ANTXR1: variants seen among roughly 807,000 people sequenced by gnomAD.
ANTXR1 encodes the protein anthrax toxin receptor 1.
A neutral mutation model predicts 78.1 loss-of-function variants in ANTXR1; 19 were observed. The observed-to-expected ratio is 0.24, with a 90% CI of 0.17 to 0.36. The LOEUF is 0.36. Among genes scored for constraint, ANTXR1 ranks in the 10% least tolerant of loss-of-function variants. The probability of loss-of-function intolerance (pLI) is 1.00; values close to 1 mark genes in which losing one functional copy is unlikely to be tolerated. For synonymous variants in ANTXR1, 273 were observed against 260.5 expected (o/e 1.05, Z -0.46); for missense variants, 518 against 718.6 (o/e 0.72, Z 3.19).
At chr2:69,217,129 G>A (rs1461064886) in intron 17 of ANTXR1, among the ~76,000 whole-genome samples, 1 of 152,294 alleles carries the variant, frequency 6.6e-6, no homozygotes, top group East Asian at 1.9e-4. Context: ...TGCTCCCAGG[G>A]ATGACCACTG....
chr2:69,052,341 C>T (rs900856224), intron 3 of ANTXR1, among the ~76,000 whole-genome samples: 6 of 151,886 alleles, frequency 4.0e-5, no homozygotes, highest in African/African-American at 1.5e-4. Flanking sequence ...TTATAAGTCA[C>T]CATTTATATG....
chr2:69,124,775 T>A, intron 12 of ANTXR1, 132 bp downstream of exon 12: 5 of 884,362 alleles, frequency 5.7e-6, no homozygotes, highest in South Asian at 1.4e-5. Flanking sequence ...TGAGCTTTGA[T>A]CCCAGCACTG....
At chr2:69,206,262 C>T (rs1674898635) in intron 17 of ANTXR1, among the ~76,000 whole-genome samples, 1 of 152,134 alleles carries the variant, frequency 6.6e-6, no homozygotes, top group Non-Finnish European at 1.5e-5. Context: ...ACTCTGTGGC[C>T]CTGACTTAAG....
intron 10 of ANTXR1, among the ~76,000 whole-genome samples, chr2:69,104,888 A>C (rs974714128): frequency 1.3e-5 from 2 of 152,228 alleles, no homozygotes; most frequent in Non-Finnish European, 2.9e-5. Context: ...GTTCGAGACC[A>C]GCCTGGGCAA....
chr2:69,148,273 G>A (rs897397266), intron 12 of ANTXR1, among the ~76,000 whole-genome samples: 11 of 152,168 alleles, frequency 7.2e-5, no homozygotes, highest in Non-Finnish European at 1.0e-4. Flanking sequence ...CCCAGCATGT[G>A]GACCTCCACT....
chr2:69,129,793 T>C (rs1672672856), intron 12 of ANTXR1, among the ~76,000 whole-genome samples: 2 of 150,594 alleles, frequency 1.3e-5, no homozygotes, highest in South Asian at 4.2e-4. Context: ...AAGAACAAGA[T>C]TGTATGAGTC....
chr2:69,047,939 G>A (rs964736423), intron 3 of ANTXR1, among the ~76,000 whole-genome samples: 4 of 152,114 alleles, frequency 2.6e-5, no homozygotes, highest in Non-Finnish European at 5.9e-5. Flanking sequence ...CCTGTACTTT[G>A]TACTGTATCA....
At chr2:69,073,193 G>C in intron 6 of ANTXR1, 92 bp downstream of exon 6, 1 of 1,107,808 alleles carries the variant, frequency 9.0e-7, no homozygotes, top group East Asian at 2.4e-5. Context: ...CATGTGATAG[G>C]TGTTCTTTGC....
chr2:69,088,908 G>A (rs967402303), intron 8 of ANTXR1, among the ~76,000 whole-genome samples: 2 of 152,116 alleles, frequency 1.3e-5, no homozygotes, highest in East Asian at 1.9e-4. Context: ...TGTGAGGACC[G>A]CTGACTCTAA....
intron 3 of ANTXR1, among the ~76,000 whole-genome samples, chr2:69,055,337 AT>A (rs1347958590): frequency 1.3e-5 from 2 of 152,116 alleles, no homozygotes; most frequent in Non-Finnish European, 2.9e-5. Flanking sequence ...GATGAAAATT[AT>A]TGTTTCTTTT....
At position 69,233,606 on chromosome 2, in the gene ANTXR1, A is replaced by G. The variant is rs141290108; in HGVS notation, c.1435-11619A>G. 9.4e-3 allele frequency among the ~76,000 whole-genome samples: 1,430 copies of G among 152,116 alleles called. 22 individuals are homozygous for G. The highest frequency in any genetic ancestry group is 0.032 in the African/African-American group (1,338 of 41,566). On this transcript the variant is annotated intron_variant, in intron 17 of 17. Transcript: ENST00000303714. The stretch of plus-strand genomic sequence containing the variant: ...TCTATCAATAGGGTTATCTTACTTT[A>G]TATCAAAAAGGTGTTTGATATTTGC...
At chr2:69,104,066 G>A (rs1378441815) in intron 10 of ANTXR1, among the ~76,000 whole-genome samples, 1 of 151,842 alleles carries the variant, frequency 6.6e-6, no homozygotes, top group Admixed American at 6.6e-5. Flanking sequence ...AGCCTCCTGA[G>A]TAGCTAGGAT....
intron 1 of ANTXR1, among the ~76,000 whole-genome samples, chr2:69,027,288 G>A (rs78982113): frequency 0.036 from 5,550 of 152,238 alleles, 300 homozygotes; most frequent in East Asian, 0.22. Context: ...GCCAGATCGC[G>A]CGCCTCCAGG....
At chr2:69,188,235 T>C (rs1226823729) in intron 16 of ANTXR1, among the ~76,000 whole-genome samples, 2 of 152,172 alleles carry the variant, frequency 1.3e-5, no homozygotes, top group Non-Finnish European at 2.9e-5. Context: ...GTCTCCCAAG[T>C]AGCTGGGACT....
At chr2:69,059,565 G>A (rs970538165) in intron 3 of ANTXR1, among the ~76,000 whole-genome samples, 71 of 151,568 alleles carry the variant, frequency 4.7e-4, no homozygotes, top group African/African-American at 1.6e-3. Context: ...TGCAACCTCC[G>A]TCTCCCTGGT....
intron 3 of ANTXR1, among the ~76,000 whole-genome samples, chr2:69,055,979 T>A (rs1302696116): frequency 6.6e-6 from 1 of 152,202 alleles, no homozygotes. Flanking sequence ...ATGGAGTTGT[T>A]ATGAGACTTT....
At chr2:69,176,890 C>T (rs903802602) in intron 14 of ANTXR1, among the ~76,000 whole-genome samples, 6 of 152,094 alleles carry the variant, frequency 3.9e-5, no homozygotes, top group East Asian at 1.9e-4. Flanking sequence ...TGAGTCAAAC[C>T]GGCCATGTGG....
At chr2:69,080,783 A>G (rs75701355) in intron 8 of ANTXR1, among the ~76,000 whole-genome samples, 1,574 of 152,354 alleles carry the variant, frequency 0.01, 15 homozygotes, top group Middle Eastern at 0.024. Flanking sequence ...GATGAACTGA[A>G]GGACGTAATG....
chr2:69,184,835 A>T (rs998465124), intron 16 of ANTXR1, among the ~76,000 whole-genome samples: 3 of 152,330 alleles, frequency 2.0e-5, no homozygotes, highest in South Asian at 2.1e-4. Flanking sequence ...AACCCGGCTG[A>T]GTGTCAGAAT....
Sources: allele counts gnomAD v4.1 joint callset (sites outside exome capture counted in the v4.1 genomes callset), GRCh38; gene constraint gnomAD v4.1.1; transcripts MANE v1.5; gene names NCBI Gene and HGNC (gene_info 2026-07-23, HGNC 2026-07-21).